Variants in GRIN2A observed in about 807,000 individuals in gnomAD.
GRIN2A encodes the protein glutamate ionotropic receptor NMDA type subunit 2A.
Under a neutral mutation model 113.4 loss-of-function variants are expected in GRIN2A, and 22 were observed. The ratio of observed to expected loss-of-function variants is 0.19; its 90% CI spans 0.14 to 0.28. The LOEUF (loss-of-function observed/expected upper bound fraction) is 0.28. Ranked by LOEUF, GRIN2A falls within the 10% of genes least tolerant of loss-of-function variation. The pLI is 1.00. For missense variants in GRIN2A, 1,502 were observed against 1,887.0 expected (o/e 0.80, Z 3.78); for synonymous variants, 827 against 738.4 (o/e 1.12, Z -1.94).
chr16:9,897,651 G>C (rs1399458952), intron 3 of GRIN2A, among the ~76,000 whole-genome samples: 4 of 152,084 alleles, frequency 2.6e-5, no homozygotes, highest in African/African-American at 9.7e-5. Context: ...AGTAGTTTAG[G>C]CATGTTGGGT....
At chr16:10,175,162 C>T (rs74006798) in intron 2 of GRIN2A, among the ~76,000 whole-genome samples, 6,065 of 152,276 alleles carry the variant, frequency 0.04, 293 homozygotes, top group African/African-American at 0.11. Context: ...ACTATACCAC[C>T]TAGGTTTGTG....
chr16:9,904,484 G>A (rs969324303), intron 3 of GRIN2A, among the ~76,000 whole-genome samples: 2 of 152,092 alleles, frequency 1.3e-5, no homozygotes, highest in African/African-American at 4.8e-5. Flanking sequence ...CAATTCTCAT[G>A]TCTCTGTCTC....
intron 11 of GRIN2A, among the ~76,000 whole-genome samples, chr16:9,784,263 C>G (rs967603906): frequency 7.2e-5 from 11 of 152,030 alleles, no homozygotes; most frequent in African/African-American, 2.7e-4. Flanking sequence ...AACCCAGTCT[C>G]TACTACAAAT....
intron 10 of GRIN2A, among the ~76,000 whole-genome samples, chr16:9,809,236 A>G (rs2042039347): frequency 6.6e-6 from 1 of 152,170 alleles, no homozygotes; most frequent in African/African-American, 2.4e-5. Flanking sequence ...CCTGGGCAAC[A>G]TGGTGAAACC....
intron 4 of GRIN2A, among the ~76,000 whole-genome samples, chr16:9,864,451 C>G (rs184503584): frequency 6.6e-6 from 1 of 151,980 alleles, no homozygotes; most frequent in African/African-American, 2.4e-5. Context: ...AAATGAAAAC[C>G]TTGAAAAGTG....
At chr16:10,117,708 C>G (rs1293504253) in intron 2 of GRIN2A, among the ~76,000 whole-genome samples, 2 of 152,176 alleles carry the variant, frequency 1.3e-5, no homozygotes, top group African/African-American at 4.8e-5. Context: ...CTACAAAAAG[C>G]TCAGGGGCTA....
At chr16:9,769,258 T>G in intron 11 of GRIN2A, 169 bp from the exon 12 acceptor site, 1 of 624,282 alleles carries the variant, frequency 1.6e-6, no homozygotes, top group Admixed American at 2.4e-5. Flanking sequence ...AAGATAATAA[T>G]GATTACATAG....
chr16:9,966,074 T>A (rs901358324), intron 2 of GRIN2A, among the ~76,000 whole-genome samples: 1 of 152,216 alleles, frequency 6.6e-6, no homozygotes. Flanking sequence ...CTTGCACTTA[T>A]AGAGAATTGA....
intron 3 of GRIN2A, among the ~76,000 whole-genome samples, chr16:9,924,749 A>G (rs559602029): frequency 1.3e-5 from 2 of 152,268 alleles, no homozygotes; most frequent in South Asian, 4.1e-4. Flanking sequence ...TGGGGAAATT[A>G]CTTTGTTTTC....
chr16:9,870,805 T>C (rs567114432), intron 4 of GRIN2A, among the ~76,000 whole-genome samples: 1 of 152,090 alleles, frequency 6.6e-6, no homozygotes, highest in East Asian at 1.9e-4. Flanking sequence ...GCCTGGCTAA[T>C]TTTTTGTATT....
intron 2 of GRIN2A, among the ~76,000 whole-genome samples, chr16:10,093,006 T>C (rs11642840): frequency 0.51 from 77,375 of 151,762 alleles, 21,476 homozygotes; most frequent in Admixed American, 0.65. Context: ...GCCTGGCTAA[T>C]TTTTTGTATT....
intron 5 of GRIN2A, among the ~76,000 whole-genome samples, chr16:9,846,288 T>C (rs1304928462): frequency 1.3e-5 from 2 of 152,134 alleles, no homozygotes; most frequent in African/African-American, 2.4e-5. Flanking sequence ...GTGGGGACAC[T>C]GGAGAAAGCA....
intron 3 of GRIN2A, among the ~76,000 whole-genome samples, chr16:9,902,081 G>A (rs1269518182): frequency 7.0e-6 from 1 of 143,746 alleles, no homozygotes; most frequent in Non-Finnish European, 1.5e-5. Flanking sequence ...AAAGCTATAC[G>A]GGTCAAGAGA....
chr16:10,108,409 G>A lies in GRIN2A; in HGVS notation c.414+71589C>T, dbSNP rs150524963. Among the ~76,000 whole-genome samples, 323 of 152,268 alleles carry A rather than the reference G, an allele frequency of 2.1e-3. 1 individual carries two copies. The highest frequency in any genetic ancestry group is 6.8e-3 in the Middle Eastern group (2 of 294). On this transcript the variant is annotated intron_variant, in intron 2 of 12. Transcript: ENST00000330684. ...CTCCCACAACATGTGGGAATTGTGG[G>A]AGTTAAAATTCAAGATGAGATTTGA...
At chr16:10,136,547 T>C (rs2049194909) in intron 2 of GRIN2A, among the ~76,000 whole-genome samples, 1 of 150,870 alleles carries the variant, frequency 6.6e-6, no homozygotes, top group Non-Finnish European at 1.5e-5. Flanking sequence ...AGATACTGAT[T>C]AATAATTAAT....
At chr16:9,784,441 C>CCAA (rs1902102992) in intron 11 of GRIN2A, among the ~76,000 whole-genome samples, 1 of 126,670 alleles carries the variant, frequency 7.9e-6, no homozygotes, top group African/African-American at 3.1e-5. Context: ...CAACAACAAC[C>CCAA]AAAAAAAAAA....
chr16:9,984,849 C>G (rs771413574), intron 2 of GRIN2A, among the ~76,000 whole-genome samples: 1 of 152,112 alleles, frequency 6.6e-6, no homozygotes, highest in Non-Finnish European at 1.5e-5. Flanking sequence ...TTTTTTATTA[C>G]TTTTGTTAGT....
chr16:9,918,203 T>C (rs1187556595), intron 3 of GRIN2A, among the ~76,000 whole-genome samples: 2 of 152,332 alleles, frequency 1.3e-5, no homozygotes, highest in South Asian at 2.1e-4. Context: ...AGCTAATAAG[T>C]GGCAGAAAAA....
Position 10,056,288 on chromosome 16 carries a change from C to T in GRIN2A, c.415-117737G>A, listed in dbSNP as rs144438127. 1.1e-3 allele frequency among the ~76,000 whole-genome samples: 166 copies of T among 152,264 alleles called. 6 individuals are homozygous for T. In the East Asian group the frequency reaches 0.031, roughly 28 times the overall value. ...ACCCATTTACCCTTTCACTCATCCACCTTTCCACCCTTGATCCATTCAACC... is the reference window on the plus strand; with the variant it reads ...ACCCATTTACCCTTTCACTCATCCATCTTTCCACCCTTGATCCATTCAACC... On this transcript the variant is annotated intron_variant, in intron 2 of 12. Transcript: ENST00000330684.
Sources: gnomAD v4.1 joint callset for allele counts (sites outside exome capture counted in the v4.1 genomes callset) on GRCh38, gnomAD v4.1.1 for gene constraint, MANE v1.5 for transcripts, NCBI Gene and HGNC (gene_info 2026-07-23, HGNC 2026-07-21) for gene names.